The following DOK6 variants were observed in gnomAD, a reference collection of about 807,000 sequenced individuals.
The protein encoded by DOK6 is downstream of tyrosine kinase 6.
In DOK6, 22 loss-of-function variants were observed where a neutral mutation model predicts 44.0. That is an observed-to-expected ratio of 0.50 (90% CI 0.36 to 0.71). The LOEUF (loss-of-function observed/expected upper bound fraction) is 0.71, where lower values mean the gene tolerates loss of function less well. Among genes scored for constraint, DOK6 ranks in the 30% least tolerant of loss-of-function variants. The pLI is 0.00. For synonymous variants in DOK6, 166 were observed against 145.5 expected (o/e 1.14, Z -1.01); for missense variants, 340 against 416.4 (o/e 0.82, Z 1.60).
chr18:69,477,896 G>A (rs903016066), intron 1 of DOK6, among the ~76,000 whole-genome samples: 4 of 152,136 alleles, frequency 2.6e-5, no homozygotes, highest in African/African-American at 7.2e-5. Flanking sequence ...GAACACTACT[G>A]TAGTATTTGA....
chr18:69,584,583 C>T (rs1364102606), intron 2 of DOK6, among the ~76,000 whole-genome samples: 12 of 152,130 alleles, frequency 7.9e-5, no homozygotes, highest in Admixed American at 5.9e-4. Context: ...TGAGCCACCG[C>T]GCCCAGACCA....
intron 6 of DOK6, among the ~76,000 whole-genome samples, chr18:69,750,908 C>G (rs1185718510): frequency 2.6e-5 from 4 of 152,036 alleles, no homozygotes; most frequent in African/African-American, 9.7e-5. Flanking sequence ...AAGAAAAACT[C>G]ATTTGCAGCA....
Position 69,439,830 on chromosome 18 carries a change from A to G in DOK6, c.66+38520A>G, listed in dbSNP as rs142649256. Among the ~76,000 whole-genome samples, 12 of 152,302 alleles carry G rather than the reference A, an allele frequency of 7.9e-5. No individual in the cohort carries two copies. In the East Asian group the frequency reaches 2.3e-3, roughly 29 times the overall value. On this transcript the variant is annotated intron_variant, in intron 1 of 7. Transcript: ENST00000382713. The stretch of plus-strand genomic sequence containing the variant: ...AGGCTATTTCACTTTCTTATGATTC[A>G]TGTGTTCACTGTAGTAGCACTTTTC...
intron 1 of DOK6, among the ~76,000 whole-genome samples, chr18:69,545,733 A>G (rs952230198): frequency 1.3e-5 from 2 of 151,296 alleles, no homozygotes; most frequent in African/African-American, 4.8e-5. Context: ...AGATATACAT[A>G]TTGCTCTTTA....
At chr18:69,727,990 G>A (rs552318081) in intron 5 of DOK6, among the ~76,000 whole-genome samples, 12 of 152,274 alleles carry the variant, frequency 7.9e-5, no homozygotes, top group South Asian at 2.1e-4. Context: ...TTCAAGCCTC[G>A]TCTGGTCTGG....
At chr18:69,529,279 A>C (rs576449861) in intron 1 of DOK6, among the ~76,000 whole-genome samples, 96 of 152,202 alleles carry the variant, frequency 6.3e-4, no homozygotes, top group Non-Finnish European at 9.7e-4. Context: ...TCACCCTCCT[A>C]TCCACCTAAC....
chr18:69,639,113 G>A (rs1016010381), intron 3 of DOK6, among the ~76,000 whole-genome samples: 5 of 152,120 alleles, frequency 3.3e-5, no homozygotes, highest in African/African-American at 9.7e-5. Context: ...TCTAGAAGAT[G>A]CAAATAAAAG....
At chr18:69,586,879 A>G (rs1032505425) in intron 2 of DOK6, among the ~76,000 whole-genome samples, 9 of 152,164 alleles carry the variant, frequency 5.9e-5, no homozygotes, top group African/African-American at 2.2e-4. Flanking sequence ...GGGGAGGCAC[A>G]TTAGAGAGCT....
At chr18:69,413,523 C>T (rs1978314830) in intron 1 of DOK6, among the ~76,000 whole-genome samples, 1 of 152,026 alleles carries the variant, frequency 6.6e-6, no homozygotes, top group African/African-American at 2.4e-5. Flanking sequence ...AGAGGAATGC[C>T]TTTTCAGCAA....
chr18:69,767,167 G>A (rs540452647), intron 7 of DOK6, among the ~76,000 whole-genome samples: 5 of 152,284 alleles, frequency 3.3e-5, no homozygotes, highest in Admixed American at 2.0e-4. Context: ...GGGAGGCGGA[G>A]GTTGCAGTGA....
intron 1 of DOK6, among the ~76,000 whole-genome samples, chr18:69,554,717 C>G (rs145853523): frequency 2.6e-5 from 4 of 152,246 alleles, no homozygotes; most frequent in African/African-American, 9.6e-5. Flanking sequence ...GTGTGTATCT[C>G]CCAAAGTCAT....
At chr18:69,561,571 T>G (rs1045669760) in intron 1 of DOK6, among the ~76,000 whole-genome samples, 50 of 152,100 alleles carry the variant, frequency 3.3e-4, no homozygotes, top group Non-Finnish European at 7.1e-4. Flanking sequence ...GAGCTTTATG[T>G]AGAAAGAACA....
At chr18:69,656,696 G>A (rs1175984526) in intron 3 of DOK6, among the ~76,000 whole-genome samples, 1 of 152,172 alleles carries the variant, frequency 6.6e-6, no homozygotes, top group Non-Finnish European at 1.5e-5. Context: ...GTTGGACACT[G>A]ATATGGTAAA....
At chr18:69,768,956 T>TGC (rs990757464) in intron 7 of DOK6, among the ~76,000 whole-genome samples, 4 of 149,624 alleles carry the variant, frequency 2.7e-5, no homozygotes, top group Admixed American at 6.7e-5. Flanking sequence ...AGGGTGTGCG[T>TGC]GTGTGTGTGT....
intron 1 of DOK6, among the ~76,000 whole-genome samples, chr18:69,403,624 A>G (rs917745918): frequency 6.6e-6 from 1 of 151,936 alleles, no homozygotes; most frequent in Non-Finnish European, 1.5e-5. Flanking sequence ...AAATCAAAAT[A>G]TTAAATTCAC....
chr18:69,743,861 G>A (rs570669343), intron 6 of DOK6, among the ~76,000 whole-genome samples: 5 of 151,324 alleles, frequency 3.3e-5, no homozygotes, highest in African/African-American at 1.2e-4. Context: ...CTCCTGTTCT[G>A]TAATCCCCAT....
At chr18:69,447,606 C>A (rs985375992) in intron 1 of DOK6, among the ~76,000 whole-genome samples, 1 of 152,128 alleles carries the variant, frequency 6.6e-6, no homozygotes, top group Non-Finnish European at 1.5e-5. Context: ...CCACTATAAT[C>A]TTCATAAGTT....
At chr18:69,679,750 A>C (rs767764427) in intron 4 of DOK6, among the ~76,000 whole-genome samples, 1 of 152,252 alleles carries the variant, frequency 6.6e-6, no homozygotes, top group Non-Finnish European at 1.5e-5. Context: ...TTGGAGATAT[A>C]TATGGTTTCC....
intron 1 of DOK6, among the ~76,000 whole-genome samples, chr18:69,512,572 A>G (rs1405613252): frequency 6.6e-6 from 1 of 151,812 alleles, no homozygotes. Flanking sequence ...TTGAACTCCT[A>G]ACCTCAGTTG....
Sources: gnomAD v4.1 joint callset for allele counts (sites outside exome capture counted in the v4.1 genomes callset) on GRCh38, gnomAD v4.1.1 for gene constraint, MANE v1.5 for transcripts, NCBI Gene and HGNC (gene_info 2026-07-23, HGNC 2026-07-21) for gene names.